SHISA6: variants seen among roughly 807,000 people sequenced by gnomAD.
SHISA6 encodes the protein protein shisa-6.
Under a neutral mutation model 47.9 loss-of-function variants are expected in SHISA6, and 22 were observed. That is an observed-to-expected ratio of 0.46 (90% CI 0.33 to 0.66). The LOEUF (loss-of-function observed/expected upper bound fraction) is 0.66, where lower values mean the gene tolerates loss of function less well. SHISA6 is among the 30% of genes least tolerant of loss of function. The probability of loss-of-function intolerance (pLI) is 0.02; values close to 1 mark genes in which losing one functional copy is unlikely to be tolerated. For missense variants in SHISA6, 680 were observed against 764.6 expected (o/e 0.89, Z 1.30); for synonymous variants, 388 against 337.8 (o/e 1.15, Z -1.63).
At chr17:11,452,799 CCTCT>C (rs959975101) in intron 3 of SHISA6, among the ~76,000 whole-genome samples, 2 of 150,234 alleles carry the variant, frequency 1.3e-5, no homozygotes, top group Non-Finnish European at 3.0e-5. Context: ...CTCCCTTCAT[CCTCT>C]CTTTTTTCCT....
intron 3 of SHISA6, among the ~76,000 whole-genome samples, chr17:11,506,389 C>A (rs1158598769): frequency 6.6e-6 from 1 of 152,156 alleles, no homozygotes; most frequent in African/African-American, 2.4e-5. Context: ...GGTTGAATGA[C>A]CCTGGGTATC....
intron 3 of SHISA6, among the ~76,000 whole-genome samples, chr17:11,411,358 G>C (rs2142272773): frequency 6.6e-6 from 1 of 152,180 alleles, no homozygotes; most frequent in East Asian, 1.9e-4. Flanking sequence ...GGCTGGCTTT[G>C]AAGGCCCACA....
intron 2 of SHISA6, among the ~76,000 whole-genome samples, chr17:11,334,592 A>G (rs956110804): frequency 2.6e-5 from 4 of 152,212 alleles, no homozygotes; most frequent in Non-Finnish European, 5.9e-5. Flanking sequence ...GCCAGGCTGG[A>G]GTCCTGGCCA....
intron 2 of SHISA6, among the ~76,000 whole-genome samples, chr17:11,360,914 G>A (rs1341020042): frequency 2.0e-5 from 3 of 151,674 alleles, no homozygotes; most frequent in Non-Finnish European, 4.4e-5. Context: ...AGAAACTGTT[G>A]AGGTCACTCT....
chr17:11,268,729 A>G (rs910318216), intron 2 of SHISA6, among the ~76,000 whole-genome samples: 6 of 152,334 alleles, frequency 3.9e-5, no homozygotes, highest in African/African-American at 1.4e-4. Flanking sequence ...CAAGGGTTTT[A>G]TCTTCCTATC....
chr17:11,396,313 A>G (rs1597492286), intron 3 of SHISA6, among the ~76,000 whole-genome samples: 6 of 152,308 alleles, frequency 3.9e-5, no homozygotes, highest in Admixed American at 3.9e-4. Context: ...GTCAATATTC[A>G]TGAATGATAC....
chr17:11,297,594 G>A lies in SHISA6; in HGVS notation c.799+34068G>A, dbSNP rs116882594. On this transcript the variant is annotated intron_variant, in intron 2 of 5. Coordinates refer to ENST00000441885, the MANE Select transcript of SHISA6 (RefSeq NM_207386.4). ...GGTTACTCACATCCCTTTCTTTCAA[G>A]TCATATTAACCAGAATCTGGCCACA... Among the ~76,000 whole-genome samples the A allele has an allele frequency of 6.2e-3, 948 of 152,300 alleles. 3 individuals are homozygous for A. Among genetic ancestry groups the A allele is most frequent in the Non-Finnish European group, 0.01 (704 of 68,026 alleles).
chr17:11,334,495 T>C (rs1261743944), intron 2 of SHISA6, among the ~76,000 whole-genome samples: 1 of 152,142 alleles, frequency 6.6e-6, no homozygotes, highest in Non-Finnish European at 1.5e-5. Flanking sequence ...CCTAACAGGA[T>C]ACTGGTGGCT....
intron 2 of SHISA6, among the ~76,000 whole-genome samples, chr17:11,276,082 A>G (rs913796287): frequency 1.8e-4 from 28 of 151,908 alleles, no homozygotes; most frequent in Admixed American, 1.8e-3. Context: ...GGTTCAAGCA[A>G]TTCTCCTGCC....
At chr17:11,511,704 T>C (rs2071542877) in intron 3 of SHISA6, among the ~76,000 whole-genome samples, 1 of 152,236 alleles carries the variant, frequency 6.6e-6, no homozygotes, top group Non-Finnish European at 1.5e-5. Context: ...ACTTTCATCT[T>C]CTGCATCACT....
chr17:11,385,531 C>G (rs1350151471), intron 3 of SHISA6, among the ~76,000 whole-genome samples: 1 of 152,158 alleles, frequency 6.6e-6, no homozygotes, highest in Non-Finnish European at 1.5e-5. Flanking sequence ...CATACGAATT[C>G]AGTGTGTCTT....
intron 2 of SHISA6, among the ~76,000 whole-genome samples, chr17:11,280,484 A>G (rs1306610322): frequency 6.6e-6 from 1 of 152,270 alleles, no homozygotes; most frequent in Admixed American, 6.5e-5. Context: ...GCATGAATTC[A>G]GGAGTACAGA....
chr17:11,553,582 A>G (rs1007010256), intron 4 of SHISA6, among the ~76,000 whole-genome samples: 10 of 152,124 alleles, frequency 6.6e-5, no homozygotes, highest in Non-Finnish European at 1.3e-4. Flanking sequence ...GCTTTCTTGG[A>G]TGTTCCCTTC....
intron 2 of SHISA6, among the ~76,000 whole-genome samples, chr17:11,352,054 A>G (rs906134342): frequency 2.0e-5 from 3 of 152,234 alleles, no homozygotes; most frequent in African/African-American, 7.2e-5. Flanking sequence ...GAACAAGTGC[A>G]CAAAATCAGA....
At chr17:11,313,536 GA>G (rs1408403440) in intron 2 of SHISA6, among the ~76,000 whole-genome samples, 1 of 152,144 alleles carries the variant, frequency 6.6e-6, no homozygotes, top group East Asian at 1.9e-4. Flanking sequence ...TTGCAAATTG[GA>G]AGCAAACTAT....
chr17:11,496,726 G>A (rs1273919348), intron 3 of SHISA6, among the ~76,000 whole-genome samples: 1 of 147,962 alleles, frequency 6.8e-6, no homozygotes, highest in Non-Finnish European at 1.5e-5. Flanking sequence ...GTGACAGTGC[G>A]AGACTCCATC....
At chr17:11,258,213 G>T (rs1474367662) in intron 1 of SHISA6, among the ~76,000 whole-genome samples, 5 of 152,126 alleles carry the variant, frequency 3.3e-5, no homozygotes, top group Non-Finnish European at 7.3e-5. Context: ...GCATGATTAG[G>T]GCTCGAAACT....
rs201070314 is a variant in SHISA6, at chr17:11,428,875, G to A, written c.895+49366G>A. On this transcript the variant is annotated intron_variant, in intron 3 of 5. Coordinates refer to ENST00000441885, the MANE Select transcript of SHISA6 (RefSeq NM_207386.4). ...TCTCTGCTTACTGCAAGCTCCGCCT[G>A]CCGGGTTCATGCCATTCTCCTGCCT... Among the ~76,000 whole-genome samples, 11 of 148,962 alleles carry A rather than the reference G, an allele frequency of 7.4e-5. No homozygotes were observed. In the East Asian group the frequency reaches 2.2e-3, roughly 30 times the overall value.
intron 2 of SHISA6, among the ~76,000 whole-genome samples, chr17:11,341,726 A>G (rs1397572473): frequency 1.3e-5 from 2 of 152,108 alleles, no homozygotes; most frequent in African/African-American, 4.8e-5. Flanking sequence ...TAATGCCAAC[A>G]GCCTGGCTGC....
Sources: allele counts gnomAD v4.1 joint callset (sites outside exome capture counted in the v4.1 genomes callset), GRCh38; gene constraint gnomAD v4.1.1; transcripts MANE v1.5; gene names NCBI Gene and HGNC (gene_info 2026-07-23, HGNC 2026-07-21).